Variants in CADM3 observed in about 807,000 individuals in gnomAD.
CADM3 encodes the protein cell adhesion molecule 3.
Under a neutral mutation model 44.9 loss-of-function variants are expected in CADM3, and 11 were observed. The observed-to-expected ratio is 0.25, with a 90% confidence interval of 0.15 to 0.41. The LOEUF is 0.41. CADM3 is among the 10% of genes least tolerant of loss of function. The probability of loss-of-function intolerance (pLI) is 1.00; values close to 1 mark genes in which losing one functional copy is unlikely to be tolerated. For missense variants in CADM3, 426 were observed against 512.0 expected (o/e 0.83, Z 1.62); for synonymous variants, 207 against 205.2 (o/e 1.01, Z -0.08).
At chr1:159,188,659 CG>C (rs958697070) in intron 1 of CADM3, among the ~76,000 whole-genome samples, 1 of 152,146 alleles carries the variant, frequency 6.6e-6, no homozygotes, top group Non-Finnish European at 1.5e-5. Flanking sequence ...CGGGGCGCTG[CG>C]GCGGGAGACC....
rs540560302 is a variant in CADM3 at position 159,192,859 on chromosome 1, C to T, written c.382+129C>T. The T allele has an allele frequency of 1.4e-5, 12 of 877,970 alleles. No individual in the cohort carries two copies. In the African/African-American group the frequency reaches 1.9e-4, roughly 14 times the overall value. 54.4% of individuals were successfully genotyped at this position (877,970 alleles called of 1,614,324 possible). A position where few individuals can be genotyped will look rare whatever the true frequency, so the allele number is the denominator to read the frequency against. On this transcript the variant is annotated intron_variant, in intron 3 of 8. Coordinates refer to ENST00000368125, the MANE Select transcript of CADM3 (RefSeq NM_001127173.3). Reference sequence around the variant, plus strand: ...CTTTAGGAAAGTTCAGCCTGTGTTCCCCTGGCAATGGGATAAAATGTAAAA... The same window carrying T: ...CTTTAGGAAAGTTCAGCCTGTGTTCTCCTGGCAATGGGATAAAATGTAAAA...
At chr1:159,177,110 A>T (rs1649047986) in intron 1 of CADM3, among the ~76,000 whole-genome samples, 1 of 152,124 alleles carries the variant, frequency 6.6e-6, no homozygotes, top group Non-Finnish European at 1.5e-5. Flanking sequence ...CCTCTTTAGA[A>T]GATAGGCCTA....
rs1405976372 is a variant in CADM3, at chr1:159,201,191, C to T, written c.*269C>T. 9.3e-6 allele frequency: 2 copies of T among 216,034 alleles called. No individual in the cohort carries two copies. The highest frequency in any genetic ancestry group is 1.8e-5 in the Non-Finnish European group (2 of 109,146). The allele number at this position is 216,034 out of a possible 1,614,324, so 13.4% of individuals were successfully genotyped here. A position where few individuals can be genotyped will look rare whatever the true frequency, so the allele number is the denominator to read the frequency against. On this transcript the variant is annotated 3_prime_UTR_variant, in exon 9 of 9. Coordinates refer to ENST00000368125, the MANE Select transcript of CADM3 (RefSeq NM_001127173.3). ...GGTTATTATTATTTTTGTAACAATC[C>T]CAAATCAAATCTGTCTCCAGGCTGG...
intron 1 of CADM3, among the ~76,000 whole-genome samples, chr1:159,184,065 C>T (rs1400285961): frequency 6.6e-6 from 1 of 152,174 alleles, no homozygotes; most frequent in Non-Finnish European, 1.5e-5. Flanking sequence ...CTTCCAAATG[C>T]ACAACCAAAT....
chr1:159,176,741 A>T (rs370998742), intron 1 of CADM3, among the ~76,000 whole-genome samples: 1 of 152,212 alleles, frequency 6.6e-6, no homozygotes, highest in Non-Finnish European at 1.5e-5. Flanking sequence ...GAACGCATGA[A>T]TCTGTTGAGA....
At position 159,200,943 on chromosome 1, in the gene CADM3, C is replaced by T. The variant is rs548739226; in HGVS notation, c.*21C>T. ...TCTAGAGGCGCCTGCCCACTTCCTGCGCCCCCCAGGGGCCCTGTGGGGACT... is the reference window on the plus strand; with the variant it reads ...TCTAGAGGCGCCTGCCCACTTCCTGTGCCCCCCAGGGGCCCTGTGGGGACT... On this transcript the variant is annotated 3_prime_UTR_variant, in exon 9 of 9. Coordinates refer to ENST00000368125, the MANE Select transcript of CADM3 (RefSeq NM_001127173.3). 1.7e-5 allele frequency: 27 copies of T among 1,558,032 alleles called. No homozygotes were observed. In the East Asian group the frequency reaches 3.9e-4, roughly 23 times the overall value.
At chr1:159,193,387 C>T (rs763178237) in intron 3 of CADM3, 36 bp from the exon 4 acceptor site, 3 of 1,558,530 alleles carry the variant, frequency 1.9e-6, no homozygotes, top group Admixed American at 1.8e-5. Context: ...CATGGGGCCT[C>T]TCCTTCCTAT....
intron 1 of CADM3, among the ~76,000 whole-genome samples, chr1:159,182,057 G>GACACACAC (rs376492660): frequency 1.3e-3 from 189 of 144,078 alleles, no homozygotes; most frequent in African/African-American, 4.1e-3. Flanking sequence ...CACACAGACA[G>GACACACAC]ACACACACAC....
In CADM3 at chr1:159,171,839, A is replaced by T; in HGVS notation, c.74A>T (p.Asn25Ile). ...TGCTGCTGGGCGCCCGGCGGGGCCA[A>T]CCTCTCCCAGGACGGTGAGTGAGGG... The part of the protein sequence containing the change: ...FACCWAPGGA[N>I]LSQDDSQPWT... The change falls in exon 1 of 9, where the codon AAC becomes ATC. Residue 25 changes from asparagine (N) to isoleucine (I), a missense_variant. By Grantham distance (149) the Asn-to-Ile change is moderately radical. Around this residue, in one of 2 missense-constraint regions of CADM3, gnomAD observed 64 missense variants for 37.4 expected, o/e 1.71. Transcript: ENST00000368125. 1 of 1,244,498 alleles carries T rather than the reference A, an allele frequency of 8.0e-7. No homozygotes were observed. Among genetic ancestry groups the T allele is most frequent in the Non-Finnish European group, 1.0e-6 (1 of 992,906 alleles). 77.1% of individuals were successfully genotyped at this position (1,244,498 alleles called of 1,614,324 possible). A position where few individuals can be genotyped will look rare whatever the true frequency, so the allele number is the denominator to read the frequency against.
intron 1 of CADM3, among the ~76,000 whole-genome samples, chr1:159,184,336 A>T (rs936401520): frequency 6.6e-6 from 1 of 152,224 alleles, no homozygotes; most frequent in Non-Finnish European, 1.5e-5. Flanking sequence ...TCCCTTGGAG[A>T]TAACACTCCT....
chr1:159,174,826 GAGC>G (rs2102089008), intron 1 of CADM3, among the ~76,000 whole-genome samples: 1 of 152,312 alleles, frequency 6.6e-6, no homozygotes, highest in South Asian at 2.1e-4. Context: ...TCTCTCTGGT[GAGC>G]AGCTCAATAT....
chr1:159,190,875 G>A (rs1344042950), intron 1 of CADM3, among the ~76,000 whole-genome samples: 2 of 152,232 alleles, frequency 1.3e-5, no homozygotes, highest in African/African-American at 2.4e-5. Context: ...ACAATTTAGT[G>A]TCAAAGAACA....
rs140288593 is a variant in CADM3, at chr1:159,195,698, G to A, written c.692-666G>A. The A allele has an allele frequency of 3.9e-5, 6 of 152,384 alleles. No homozygotes were observed. In the East Asian group the frequency reaches 1.2e-3, roughly 29 times the overall value. 9.4% of individuals were successfully genotyped at this position (152,384 alleles called of 1,614,324 possible). ...TGGCTCTATCCTTAGGGGAAGCTCA[G>A]CCTCTTTATCTGTTGTTCTCGACCA... is the stretch of plus-strand genomic sequence containing the variant. On this transcript the variant is annotated intron_variant, in intron 5 of 8. Transcript: ENST00000368125.
rs1027066161 is a variant in CADM3, at chr1:159,203,211, T to C, written c.*2289T>C. ...TGTGTATGTGAGGGTCTTCTTCCCATACCCCTTGCACCTGGTGCCTGGTGC... is the reference window on the plus strand; with the variant it reads ...TGTGTATGTGAGGGTCTTCTTCCCACACCCCTTGCACCTGGTGCCTGGTGC... On this transcript the variant is annotated 3_prime_UTR_variant, in exon 9 of 9. Transcript: ENST00000368125. 1.3e-5 allele frequency: 2 copies of C among 152,494 alleles called. No individual in the cohort carries two copies. The highest frequency in any genetic ancestry group is 4.8e-5 in the African/African-American group (2 of 41,422). The allele number at this position is 152,494 out of a possible 1,614,324, so 9.4% of individuals were successfully genotyped here. A position where few individuals can be genotyped will look rare whatever the true frequency, so the allele number is the denominator to read the frequency against.
At chr1:159,195,002 G>C (rs1249535841) in intron 5 of CADM3, 1 of 152,236 alleles carries the variant, frequency 6.6e-6, no homozygotes, top group Non-Finnish European at 1.5e-5. Context: ...AAGTTGGGCA[G>C]TTTTCAAAAT....
At chr1:159,174,358 G>GT (rs1178769109) in intron 1 of CADM3, among the ~76,000 whole-genome samples, 1 of 152,282 alleles carries the variant, frequency 6.6e-6, no homozygotes, top group East Asian at 1.9e-4. Context: ...ATGGACATGT[G>GT]TTTCGTACCC....
rs41313908 is a variant in CADM3 at position 159,202,320 on chromosome 1, C to T, written c.*1398C>T. On this transcript the variant is annotated 3_prime_UTR_variant, in exon 9 of 9. Transcript: ENST00000368125. ...CCCATCGGTCTTGGAGAAAGGAGTC[C>T]CCGGGTGTGTGTTTGCCCAGCTGTC... 0.057 allele frequency: 8,742 copies of T among 152,786 alleles called. 328 individuals carry two copies. Among genetic ancestry groups the T allele is most frequent in the Middle Eastern group, 0.12 (35 of 294 alleles). 9.5% of individuals were successfully genotyped at this position (152,786 alleles called of 1,614,324 possible).
Position 159,202,981 on chromosome 1 carries a change from G to A in CADM3, c.*2059G>A, listed in dbSNP as rs939053572. The stretch of plus-strand genomic sequence containing the variant: ...TTACACAGAAGCCATATTTGTACGG[G>A]GGGGTGGGAGGGAGAGGGGCTGTTG... On this transcript the variant is annotated 3_prime_UTR_variant, in exon 9 of 9. Transcript: ENST00000368125. 6.8e-6 allele frequency: 1 copy of A among 147,592 alleles called. No homozygotes were observed. The highest frequency in any genetic ancestry group is 2.5e-5 in the African/African-American group (1 of 39,902). 9.1% of individuals were successfully genotyped at this position (147,592 alleles called of 1,614,324 possible).
Position 159,202,032 on chromosome 1 carries a change from A to T in CADM3, c.*1110A>T, listed in dbSNP as rs552424887. The T allele has an allele frequency of 2.6e-5, 4 of 152,986 alleles. No individual in the cohort carries two copies. The highest frequency in any genetic ancestry group is 4.4e-5 in the Non-Finnish European group (3 of 68,176). The allele number at this position is 152,986 out of a possible 1,614,324, so 9.5% of individuals were successfully genotyped here. A position where few individuals can be genotyped will look rare whatever the true frequency, so the allele number is the denominator to read the frequency against. On this transcript the variant is annotated 3_prime_UTR_variant, in exon 9 of 9. Coordinates refer to ENST00000368125, the MANE Select transcript of CADM3 (RefSeq NM_001127173.3). ...ACTGCAGTGAGCTGTTTCCTGCCCA[A>T]ACTAAGGGAATAATGTGAACTGTGT... is the stretch of plus-strand genomic sequence containing the variant.
Sources: gnomAD v4.1 joint callset for allele counts (sites outside exome capture counted in the v4.1 genomes callset) on GRCh38, gnomAD v4.1.1 for gene constraint, gnomAD v4.1.1 regional missense constraint, MANE v1.5 for transcripts, NCBI Gene and HGNC (gene_info 2026-07-23, HGNC 2026-07-21) for gene names.